The following TTLL4 variants were observed in gnomAD, a reference collection of about 807,000 sequenced individuals.
The protein encoded by TTLL4 is tubulin tyrosine ligase like 4, also known as tubulin monoglutamylase TTLL4.
A neutral mutation model predicts 122.7 loss-of-function variants in TTLL4; 85 were observed. The observed-to-expected ratio is 0.69, with a 90% confidence interval of 0.58 to 0.83. The LOEUF (loss-of-function observed/expected upper bound fraction) is 0.83. Ranked by LOEUF, TTLL4 falls within the 40% of genes least tolerant of loss-of-function variation. TTLL4 has a pLI of 0.00. For missense variants in TTLL4, 1,363 were observed against 1,488.6 expected (o/e 0.92, Z 1.39); for synonymous variants, 553 against 563.0 (o/e 0.98, Z 0.25).
At position 218,745,145 on chromosome 2, in the gene TTLL4, T is replaced by C; in HGVS notation, c.1698T>C (p.Asn566=). The part of the protein sequence containing the change: ...CMEILTKPLS[N]HEKVVRPALI... ...AAATTCTGACCAAACCCCTTTCCAA[T>C]CATGAGAAAGTTGTCCGACCAGCCC... Residue 566 remains asparagine, a synonymous_variant, in exon 6 of 20, where the codon AAT becomes AAC. Coordinates refer to ENST00000392102, the MANE Select transcript of TTLL4 (RefSeq NM_014640.5). 1 of 1,614,070 alleles carries C rather than the reference T, an allele frequency of 6.2e-7. No homozygotes were observed. The highest frequency in any genetic ancestry group is 8.5e-7 in the Non-Finnish European group (1 of 1,179,968).
chr2:218,748,678 A>AAAT, intron 12 of TTLL4, 158 bp from the exon 13 acceptor site: 1 of 553,518 alleles, frequency 1.8e-6, no homozygotes, highest in Non-Finnish European at 3.1e-6. Flanking sequence ...AAAAAAAAGA[A>AAAT]TTGGTCTATT....
At chr2:218,740,619 C>G in intron 5 of TTLL4, 35 bp downstream of exon 5, 1 of 1,605,672 alleles carries the variant, frequency 6.2e-7, no homozygotes, top group Non-Finnish European at 8.5e-7. Context: ...GTTACATGCT[C>G]ATCTTTTGTC....
At chr2:218,744,702 C>T (rs192087183) in intron 5 of TTLL4, among the ~76,000 whole-genome samples, 22 of 151,958 alleles carry the variant, frequency 1.4e-4, no homozygotes, top group African/African-American at 5.3e-4. Context: ...TTTGGTTTTC[C>T]TCCTTCGTAA....
intron 2 of TTLL4, among the ~76,000 whole-genome samples, chr2:218,730,385 G>A (rs899253368): frequency 4.2e-5 from 6 of 143,452 alleles, no homozygotes; most frequent in East Asian, 2.3e-4. Flanking sequence ...GCGCGTGCCT[G>A]TAGCCCCAGC....
intron 2 of TTLL4, among the ~76,000 whole-genome samples, chr2:218,727,716 TG>T (rs1285079635): frequency 3.3e-5 from 5 of 152,082 alleles, no homozygotes; most frequent in African/African-American, 1.2e-4. Context: ...CACTCCAGCC[TG>T]GGCGACAGAC....
In TTLL4 at chr2:218,738,409, C is replaced by T. The variant is rs1214515670; in HGVS notation, c.733C>T (p.Pro245Ser). The T allele has an allele frequency of 4.3e-6, 7 of 1,614,186 alleles. No homozygotes were observed. The highest frequency in any genetic ancestry group is 1.1e-5 in the South Asian group (1 of 91,086). Residue 245 changes from proline (P) to serine (S), a missense_variant, in exon 3 of 20, where the codon CCC becomes TCC. Around this residue, in one of 3 missense-constraint regions of TTLL4, gnomAD observed 760 missense variants for 808.4 expected, o/e 0.94. Coordinates refer to ENST00000392102, the MANE Select transcript of TTLL4 (RefSeq NM_014640.5). ...TTQGLKPVSP[P>S]KIQPVSWHHS... ...ACAGGGCCTGAAGCCAGTATCGCCA[C>T]CCAAGATCCAGCCTGTCTCCTGGCA...
intron 1 of TTLL4, among the ~76,000 whole-genome samples, chr2:218,724,235 TAAAA>T (rs979953389): frequency 6.6e-6 from 1 of 152,152 alleles, no homozygotes; most frequent in South Asian, 2.1e-4. Flanking sequence ...ATTGCAAAAT[TAAAA>T]AAAAATTTTT....
chr2:218,713,923 G>A (rs756061874), intron 1 of TTLL4, among the ~76,000 whole-genome samples: 5 of 152,182 alleles, frequency 3.3e-5, no homozygotes, highest in Non-Finnish European at 5.9e-5. Flanking sequence ...TAGAAGAATG[G>A]GACAAGGAGC....
chr2:218,753,799 A>T, intron 19 of TTLL4, 130 bp downstream of exon 19: 4 of 991,214 alleles, frequency 4.0e-6, no homozygotes, highest in Non-Finnish European at 6.2e-6. Flanking sequence ...GCGTCAGGAC[A>T]TGCAGCCATA....
At chr2:218,745,665 C>A in intron 6 of TTLL4, 26 bp from the exon 7 acceptor site, 3 of 1,474,504 alleles carry the variant, frequency 2.0e-6, no homozygotes, top group South Asian at 1.2e-5. Flanking sequence ...CATCCCCCAT[C>A]CCCACACCCC....
At chr2:218,746,818 T>G (rs1942856421) in intron 8 of TTLL4, 185 bp from the exon 9 acceptor site, 2 of 627,390 alleles carry the variant, frequency 3.2e-6, no homozygotes, top group African/African-American at 1.8e-5. Flanking sequence ...TTTGTCTGTG[T>G]TTTAATCATC....
At chr2:218,741,356 G>T (rs1942696302) in intron 5 of TTLL4, among the ~76,000 whole-genome samples, 1 of 152,136 alleles carries the variant, frequency 6.6e-6, no homozygotes, top group African/African-American at 2.4e-5. Context: ...TATATCACTG[G>T]GCTTGACCAA....
At chr2:218,748,277 G>A (rs1942904169) in intron 12 of TTLL4, 50 bp downstream of exon 12, 2 of 1,607,918 alleles carry the variant, frequency 1.2e-6, no homozygotes, top group South Asian at 2.2e-5. Flanking sequence ...AGGAATACAG[G>A]GTTCTGGGGT....
rs573702398 is a variant in TTLL4, at chr2:218,747,050, A to G, written c.2022A>G (p.Leu674=). 99 of 1,614,224 alleles carry G rather than the reference A, an allele frequency of 6.1e-5. No individual in the cohort carries two copies. In the South Asian group the frequency reaches 8.2e-4, roughly 13 times the overall value. ...TCCAGATTGGGAGGAAGGACCGGCT[A>G]TGGCGGAACCTGTCACGTATGCAGA... ...GSFQIGRKDR[L]WRNLSRMQSR... Residue 674 remains leucine (L), a synonymous_variant, in exon 9 of 20, where the codon CTA becomes CTG. Transcript: ENST00000392102. This position sits in a 1 kb window ranked among gnomAD's most constrained non-coding sequence, Gnocchi z 4.7.
rs2272188 is a variant in TTLL4 at position 218,747,559 on chromosome 2, A to T, written c.2250-38A>T. Reference sequence around the variant, plus strand: ...GCTTGGTTACCCACTGAGCCCCATCATCTGGCTGTATGAGAAGCTGGCCTT... The same window carrying T: ...GCTTGGTTACCCACTGAGCCCCATCTTCTGGCTGTATGAGAAGCTGGCCTT... On this transcript the variant is annotated intron_variant, in intron 10 of 19. Coordinates refer to ENST00000392102, the MANE Select transcript of TTLL4 (RefSeq NM_014640.5). This position sits in a 1 kb window ranked among gnomAD's most constrained non-coding sequence, Gnocchi z 4.7. 5 of 1,608,852 alleles carry T rather than the reference A, an allele frequency of 3.1e-6. No homozygotes were observed. In the African/African-American group the frequency reaches 6.7e-5, roughly 22 times the overall value.
In TTLL4 at chr2:218,747,592, T is replaced by TG; in HGVS notation, c.2250-4dup. Reference sequence around the variant, plus strand: ...GTATGAGAAGCTGGCCTTTGTCCTATGTAGGTATCTACACAAACCCTACCT... The same window carrying TG: ...GTATGAGAAGCTGGCCTTTGTCCTATGGTAGGTATCTACACAAACCCTACCT... On this transcript the variant is annotated splice_polypyrimidine_tract_variant and splice_region_variant and intron_variant, in intron 10 of 19. Coordinates refer to ENST00000392102, the MANE Select transcript of TTLL4 (RefSeq NM_014640.5). This position sits in a 1 kb window ranked among gnomAD's most constrained non-coding sequence, Gnocchi z 4.7. 3 of 1,614,098 alleles carry TG rather than the reference T, an allele frequency of 1.9e-6. No individual in the cohort carries two copies. The highest frequency in any genetic ancestry group is 2.5e-6 in the Non-Finnish European group (3 of 1,179,994).
In TTLL4 at chr2:218,737,791, G is replaced by A. The variant is rs758435339; in HGVS notation, c.115G>A (p.Gly39Ser). The A allele has an allele frequency of 1.2e-6, 2 of 1,614,074 alleles. No individual in the cohort carries two copies. The highest frequency in any genetic ancestry group is 3.3e-5 in the Admixed American group (2 of 60,028). Residue 39 changes from glycine (G) to serine (S), a missense_variant, in exon 3 of 20, where the codon GGC becomes AGC. Coordinates refer to ENST00000392102, the MANE Select transcript of TTLL4 (RefSeq NM_014640.5). The part of the protein sequence containing the change: ...PATPPEKPSE[G>S]RVWPQAHQQV... The stretch of plus-strand genomic sequence containing the variant: ...CACGCCACCTGAGAAACCCTCGGAG[G>A]GCAGAGTCTGGCCTCAGGCCCATCA...
chr2:218,715,645 T>C (rs1575155547), intron 1 of TTLL4, among the ~76,000 whole-genome samples: 1 of 152,138 alleles, frequency 6.6e-6, no homozygotes, highest in Admixed American at 6.6e-5. Flanking sequence ...TTTTTTTCTT[T>C]CTTTAGAGGG....
intron 5 of TTLL4, among the ~76,000 whole-genome samples, chr2:218,743,603 T>C (rs1942760778): frequency 2.0e-5 from 3 of 152,220 alleles, no homozygotes; most frequent in Admixed American, 6.5e-5. Context: ...GTTACATGTT[T>C]AGTTTTTTTA....
Sources: allele counts gnomAD v4.1 joint callset (sites outside exome capture counted in the v4.1 genomes callset), GRCh38; gene constraint gnomAD v4.1.1; regional missense constraint gnomAD v4.1.1; non-coding constraint Gnocchi (gnomAD v3.1); transcripts MANE v1.5; gene names NCBI Gene and HGNC (gene_info 2026-07-23, HGNC 2026-07-21).